DGKK: variants seen among roughly 807,000 people sequenced by gnomAD.
The protein encoded by DGKK is 142 kDa diacylglycerol kinase.
DGKK carries 35 observed loss-of-function variants against 92.2 expected under a neutral mutation model. The observed-to-expected ratio is 0.38, with a 90% CI of 0.29 to 0.50. The LOEUF is 0.50. Ranked by LOEUF, DGKK falls within the 20% of genes least tolerant of loss-of-function variation. The pLI, the probability that DGKK is intolerant of heterozygous loss-of-function variation, is 0.92. For missense variants in DGKK, 910 were observed against 992.2 expected (o/e 0.92, Z 1.11); for synonymous variants, 368 against 360.6 (o/e 1.02, Z -0.23).
intron 8 of DGKK, among the ~76,000 whole-genome samples, chrX:50,398,776 G>A (rs917222536): frequency 8.9e-6 from 1 of 111,967 alleles, no homozygotes; most frequent in East Asian, 2.8e-4. Context: ...GGGGTCATTT[G>A]TGGCATGCTG....
rs782233573 is a variant in DGKK at position 50,388,614 on chromosome X, G to A, written c.1931C>T (p.Ala644Val). The A allele has an allele frequency of 5.9e-6, 7 of 1,193,786 alleles. No homozygotes were observed. The African/African-American group carries it at 1.2e-4, about 21-fold the overall frequency. Reference sequence around the variant, plus strand: ...TGCAGATTCTAAGTGTTGGATGGCAGCAGCCTAGGGGCAAAAGGAGTTCTT... The same window carrying A: ...TGCAGATTCTAAGTGTTGGATGGCAACAGCCTAGGGGCAAAAGGAGTTCTT... ...VEMDVPRFEAAAIQHLESAAT... is the reference protein window; with the variant it reads ...VEMDVPRFEAVAIQHLESAAT... The change falls in exon 13 of 28, where the codon GCT becomes GTT. Residue 644 changes from alanine (A) to valine (V), a missense_variant. Physicochemically the swap from Ala to Val is moderately conservative, Grantham distance 64 (BLOSUM62 0). Coordinates refer to ENST00000611977, the MANE Select transcript of DGKK (RefSeq NM_001013742.4).
chrX:50,463,935 C>T (rs11798233), intron 1 of DGKK, among the ~76,000 whole-genome samples: 2 of 109,310 alleles, frequency 1.8e-5, no homozygotes, highest in Non-Finnish European at 3.8e-5. Context: ...TACAAAAATT[C>T]TATATTAAGA....
chrX:50,464,642 C>T (rs1926849128), intron 1 of DGKK, among the ~76,000 whole-genome samples: 1 of 109,795 alleles, frequency 9.1e-6, no homozygotes, highest in Non-Finnish European at 1.9e-5. Context: ...GTTGAAGATC[C>T]TTTAAGAGGA....
At chrX:50,422,421 T>C in intron 3 of DGKK, 25 bp downstream of exon 3, 2 of 1,157,741 alleles carry the variant, frequency 1.7e-6, no homozygotes, top group African/African-American at 3.5e-5. Context: ...CCCCTGCCCA[T>C]TCAGTCATTC....
At chrX:50,408,164 T>C (rs926118610) in intron 4 of DGKK, among the ~76,000 whole-genome samples, 1 of 110,612 alleles carries the variant, frequency 9.0e-6, no homozygotes, top group Non-Finnish European at 1.9e-5. Context: ...GAGGGTGGAG[T>C]TGTCTCCTGG....
intron 1 of DGKK, among the ~76,000 whole-genome samples, chrX:50,437,794 G>A (rs1926069923): frequency 9.0e-6 from 1 of 111,433 alleles, no homozygotes; most frequent in Non-Finnish European, 1.9e-5. Flanking sequence ...TAGACTTGTA[G>A]ATGACAAGGG....
rs782348913 is a variant in DGKK at position 50,379,508 on chromosome X, C to T, written c.2862+119G>A. ...TACAGCTGCTGCTAATAAAGGTTCTCGGACCACCTCCTCTTCTCCCATTGT... is the reference window on the plus strand; with the variant it reads ...TACAGCTGCTGCTAATAAAGGTTCTTGGACCACCTCCTCTTCTCCCATTGT... On this transcript the variant is annotated intron_variant, in intron 20 of 27. Transcript: ENST00000611977. 183 of 572,307 alleles carry T rather than the reference C, an allele frequency of 3.2e-4. No homozygotes were observed. The African/African-American group carries it at 3.4e-3, about 11-fold the overall frequency. 47.2% of individuals were successfully genotyped at this position (572,307 alleles called of 1,213,427 possible).
chrX:50,400,099 T>C (rs1488957873), intron 8 of DGKK, among the ~76,000 whole-genome samples: 1 of 111,935 alleles, frequency 8.9e-6, no homozygotes, highest in African/African-American at 3.2e-5. Flanking sequence ...CGTTTACAGA[T>C]GGGGAAAGCA....
chrX:50,392,499 G>A, intron 9 of DGKK, 50 bp from the exon 10 acceptor site: 1 of 1,024,884 alleles, frequency 9.8e-7, no homozygotes, highest in Admixed American at 2.2e-5. Flanking sequence ...GCTGGGTTTT[G>A]TAACTTTTCC....
At chrX:50,407,543 T>C (rs1925190288) in intron 4 of DGKK, among the ~76,000 whole-genome samples, 1 of 111,039 alleles carries the variant, frequency 9.0e-6, no homozygotes, top group East Asian at 2.8e-4. Context: ...CCTCTTATTA[T>C]AAGGCCACTA....
At chrX:50,457,604 A>C (rs1323743797) in intron 1 of DGKK, among the ~76,000 whole-genome samples, 1 of 111,513 alleles carries the variant, frequency 9.0e-6, no homozygotes, top group South Asian at 3.8e-4. Context: ...ATAAATAATA[A>C]ACAACGGATT....
chrX:50,465,472 T>G (rs1341840534), intron 1 of DGKK, among the ~76,000 whole-genome samples: 1 of 109,904 alleles, frequency 9.1e-6, no homozygotes, highest in Non-Finnish European at 1.9e-5. Flanking sequence ...TTTTTTCCAC[T>G]GAAAGAATTA....
At chrX:50,445,066 G>A (rs1280510881) in intron 1 of DGKK, among the ~76,000 whole-genome samples, 1 of 106,081 alleles carries the variant, frequency 9.4e-6, no homozygotes, top group Non-Finnish European at 1.9e-5. Flanking sequence ...TTTCTCATAT[G>A]CTTGTAGGTT....
rs782002536 is a variant in DGKK at position 50,374,415 on chromosome X, A to G, written c.3501+556T>C. Among the ~76,000 whole-genome samples the G allele has an allele frequency of 2.7e-5, 3 of 111,878 alleles. No homozygotes were observed. In the East Asian group the frequency reaches 8.5e-4, roughly 32 times the overall value. ...TTAGAGAGAGGATGGCCCTGCTGAC[A>G]CCTTGATTTGGACTTCTAGCTTCCA... On this transcript the variant is annotated intron_variant, in intron 25 of 27. Transcript: ENST00000611977.
At chrX:50,399,543 T>C (rs960512670) in intron 8 of DGKK, among the ~76,000 whole-genome samples, 3 of 111,846 alleles carry the variant, frequency 2.7e-5, no homozygotes, top group African/African-American at 9.8e-5. Flanking sequence ...ATGGACAAAT[T>C]AGCAAATTAG....
intron 4 of DGKK, among the ~76,000 whole-genome samples, chrX:50,404,767 T>C (rs782147923): frequency 5.1e-4 from 57 of 111,005 alleles, no homozygotes; most frequent in Admixed American, 1.1e-3. Flanking sequence ...CAAGCAAAAA[T>C]GTGTTGTCTT....
intron 27 of DGKK, 103 bp downstream of exon 27, chrX:50,370,323 A>G (rs1924087095): frequency 9.8e-7 from 1 of 1,019,826 alleles, no homozygotes; most frequent in African/African-American, 1.9e-5. Context: ...CTTCATCATC[A>G]CCATTCCCAC....
intron 7 of DGKK, among the ~76,000 whole-genome samples, 153 bp from the exon 8 acceptor site, chrX:50,401,292 T>C (rs1185789417): frequency 1.8e-5 from 2 of 110,916 alleles, no homozygotes; most frequent in Non-Finnish European, 1.9e-5. Context: ...CTAACTCACC[T>C]GAACACCCCC....
chrX:50,430,353 C>T (rs1925856485), intron 1 of DGKK, among the ~76,000 whole-genome samples: 1 of 111,994 alleles, frequency 8.9e-6, no homozygotes, highest in African/African-American at 3.2e-5. Flanking sequence ...TGTTACCACT[C>T]GACGCTTCTT....
Sources: gnomAD v4.1 joint callset for allele counts (sites outside exome capture counted in the v4.1 genomes callset) on GRCh38, gnomAD v4.1.1 for gene constraint, MANE v1.5 for transcripts, NCBI Gene and HGNC (gene_info 2026-07-23, HGNC 2026-07-21) for gene names.